The following CNTLN variants were observed in gnomAD, a reference collection of about 807,000 sequenced individuals.
The protein encoded by CNTLN is centlein, centrosomal protein.
CNTLN carries 212 observed loss-of-function variants against 180.0 expected under a neutral mutation model. That is an observed-to-expected ratio of 1.18 (90% confidence interval 1.05 to 1.32). CNTLN has a LOEUF of 1.32. Among genes scored for constraint, CNTLN ranks in the 40% most tolerant of loss-of-function variants. CNTLN has a pLI of 0.00. For synonymous variants in CNTLN, 722 were observed against 563.1 expected, an observed-to-expected ratio of 1.28 and a Z score of -3.99; for missense variants, 2,095 against 1,610.9, an observed-to-expected ratio of 1.30 and a Z score of -5.14.
intron 18 of CNTLN, among the ~76,000 whole-genome samples, chr9:17,442,686 A>G (rs1235505970): frequency 1.3e-5 from 2 of 152,202 alleles, no homozygotes; most frequent in Non-Finnish European, 2.9e-5. Context: ...GGTGTAAGCC[A>G]CCATGCCCAG....
At chr9:17,251,120 C>T (rs978748988) in intron 5 of CNTLN, among the ~76,000 whole-genome samples, 8 of 152,022 alleles carry the variant, frequency 5.3e-5, no homozygotes, top group Non-Finnish European at 1.2e-4. Flanking sequence ...CTTTTACTCT[C>T]ATTAAGGATG....
rs771291988 is a variant in CNTLN, at chr9:17,236,458, T to TA, written c.725dup (p.Asn242LysfsTer15). The TA allele has an allele frequency of 6.2e-7, 1 of 1,613,606 alleles. No individual in the cohort carries two copies. Among genetic ancestry groups the TA allele is most frequent in the Admixed American group, 1.7e-5 (1 of 59,964 alleles). On this transcript the variant is annotated frameshift_variant, in exon 5 of 26. Transcript: ENST00000380647. LOFTEE classifies it high-confidence loss of function. The stretch of plus-strand genomic sequence containing the variant: ...AAAGAAGAGCAAAACAGACTAGTTA[T>TA]AAAAAATCTGGAGGAGGAAAACAAG...
At chr9:17,295,308 A>G (rs1817800577) in intron 6 of CNTLN, among the ~76,000 whole-genome samples, 1 of 152,168 alleles carries the variant, frequency 6.6e-6, no homozygotes, top group Non-Finnish European at 1.5e-5. Flanking sequence ...GGGCTGCTCA[A>G]GCGCCGCCAG....
chr9:17,157,643 ATCATCCGG>A (rs762074219), intron 2 of CNTLN, among the ~76,000 whole-genome samples: 37 of 152,214 alleles, frequency 2.4e-4, no homozygotes, highest in Non-Finnish European at 4.7e-4. Flanking sequence ...GTTGGTGGCC[ATCATCCGG>A]TCATTTGAGG....
intron 23 of CNTLN, among the ~76,000 whole-genome samples, chr9:17,472,856 A>G (rs994008767): frequency 6.6e-6 from 1 of 152,144 alleles, no homozygotes; most frequent in Non-Finnish European, 1.5e-5. Context: ...TCATAGTGCA[A>G]CAATTTTTGA....
chr9:17,436,195 A>G (rs1829765346), intron 18 of CNTLN, among the ~76,000 whole-genome samples: 1 of 152,194 alleles, frequency 6.6e-6, no homozygotes, highest in South Asian at 2.1e-4. Flanking sequence ...AGAAAACATT[A>G]TATACTATTG....
chr9:17,329,153 G>A (rs1157357006), intron 8 of CNTLN, among the ~76,000 whole-genome samples: 2 of 151,834 alleles, frequency 1.3e-5, no homozygotes, highest in African/African-American at 4.8e-5. Flanking sequence ...CTAAGTTTTT[G>A]TTTGACCTTA....
Position 17,332,624 on chromosome 9 carries a change from C to T in CNTLN, c.1538C>T (p.Ser513Leu). ...CTCGAGGAACCACCTGTGAAACGTT[C>T]AAGGTCTTTGTCCCCAAAGAGCTCT... Reference protein sequence around the residue: ...GKHKEPPVKRSRSLSPKSSFT... With the variant: ...GKHKEPPVKRLRSLSPKSSFT... Residue 513 changes from serine (S) to leucine (L), a missense_variant, in exon 10 of 26, where the codon TCA (serine) becomes TTA (leucine). Coordinates refer to ENST00000380647, the MANE Select transcript of CNTLN (RefSeq NM_017738.4). The T allele has an allele frequency of 1.2e-6, 2 of 1,607,912 alleles. No homozygotes were observed. Among genetic ancestry groups the T allele is most frequent in the Non-Finnish European group, 8.5e-7 (1 of 1,177,262 alleles).
intron 18 of CNTLN, among the ~76,000 whole-genome samples, chr9:17,451,408 T>C (rs1300356069): frequency 6.6e-6 from 1 of 152,206 alleles, no homozygotes; most frequent in Non-Finnish European, 1.5e-5. Flanking sequence ...TATTCAACAT[T>C]AAATAGTCTT....
chr9:17,235,181 C>G (rs918029537), intron 3 of CNTLN, among the ~76,000 whole-genome samples: 6 of 152,150 alleles, frequency 3.9e-5, no homozygotes, highest in Admixed American at 6.5e-5. Flanking sequence ...TCTAAATATT[C>G]TGTCTACAGA....
the CNTLN span, among the ~76,000 whole-genome samples, chr9:17,519,600 G>A: frequency 6.6e-6 from 1 of 152,062 alleles, no homozygotes; most frequent in Non-Finnish European, 1.5e-5. Flanking sequence ...CAGGACTGAG[G>A]GCTCAAAGCT....
At chr9:17,509,534 C>G in the CNTLN span, among the ~76,000 whole-genome samples, 40 of 152,144 alleles carry the variant, frequency 2.6e-4, no homozygotes, top group Admixed American at 7.9e-4. Flanking sequence ...ATGTTCGTCA[C>G]CATCCTAAAT....
chr9:17,137,369 G>C (rs1349976096), intron 1 of CNTLN, among the ~76,000 whole-genome samples: 2 of 152,170 alleles, frequency 1.3e-5, no homozygotes, highest in East Asian at 3.9e-4. Context: ...AAAGCATTTA[G>C]GTGATTAAAT....
At chr9:17,496,008 C>A (rs754593491) in intron 25 of CNTLN, among the ~76,000 whole-genome samples, 1 of 152,102 alleles carries the variant, frequency 6.6e-6, no homozygotes, top group African/African-American at 2.4e-5. Flanking sequence ...GTTTGGACAA[C>A]GCCAAAATTG....
intron 2 of CNTLN, among the ~76,000 whole-genome samples, chr9:17,197,585 T>G (rs1278862735): frequency 6.6e-6 from 1 of 152,204 alleles, no homozygotes; most frequent in Non-Finnish European, 1.5e-5. Context: ...AATTGGATTA[T>G]TACATTTTTT....
intron 18 of CNTLN, among the ~76,000 whole-genome samples, chr9:17,431,938 C>T (rs1564101056): frequency 6.6e-6 from 1 of 152,138 alleles, no homozygotes; most frequent in Non-Finnish European, 1.5e-5. Flanking sequence ...TCTCTGCATG[C>T]TTAGGGATAC....
intron 5 of CNTLN, among the ~76,000 whole-genome samples, chr9:17,249,841 C>T (rs572070016): frequency 1.8e-4 from 27 of 149,084 alleles, no homozygotes; most frequent in Middle Eastern, 6.9e-3. Flanking sequence ...TTGAGTAGCA[C>T]GTTTATTCAG....
At chr9:17,317,014 TCTTAAACCAG>T (rs1405162308) in intron 8 of CNTLN, among the ~76,000 whole-genome samples, 6 of 152,238 alleles carry the variant, frequency 3.9e-5, no homozygotes, top group Admixed American at 6.5e-5. Context: ...AATGCAATTG[TCTTAAACCAG>T]ACAGAAGAAA....
At chr9:17,151,283 T>G (rs1818856313) in intron 2 of CNTLN, among the ~76,000 whole-genome samples, 1 of 152,220 alleles carries the variant, frequency 6.6e-6, no homozygotes, top group East Asian at 1.9e-4. Context: ...GGCTATGGAT[T>G]TCTCATAAAT....
Sources: gnomAD v4.1 joint callset for allele counts (sites outside exome capture counted in the v4.1 genomes callset) on GRCh38, gnomAD v4.1.1 for gene constraint, MANE v1.5 for transcripts, NCBI Gene and HGNC (gene_info 2026-07-23, HGNC 2026-07-21) for gene names.